CYP27C1: variants seen among roughly 807,000 people sequenced by gnomAD.
CYP27C1 encodes the protein cytochrome P450 family 27 subfamily C member 1, also known as cytochrome P450 27C1.
A neutral mutation model predicts 40.6 loss-of-function variants in CYP27C1; 29 were observed. The observed-to-expected ratio is 0.71, with a 90% CI of 0.53 to 0.97. The LOEUF is 0.97. CYP27C1 is among the 50% of genes least tolerant of loss of function. The pLI is 0.00. For synonymous variants in CYP27C1, 198 were observed against 186.8 expected (o/e 1.06, Z -0.49); for missense variants, 390 against 485.8 (o/e 0.80, Z 1.85).
intron 6 of CYP27C1, among the ~76,000 whole-genome samples, chr2:127,194,713 CT>C (rs1682862966): frequency 6.6e-6 from 1 of 152,154 alleles, no homozygotes; most frequent in Admixed American, 6.5e-5. Context: ...ACAAATCGAT[CT>C]TGTTTCGTGT....
At chr2:127,192,625 G>GC (rs1682806474) in intron 8 of CYP27C1, among the ~76,000 whole-genome samples, 1 of 151,940 alleles carries the variant, frequency 6.6e-6, no homozygotes, top group South Asian at 2.1e-4. Context: ...TTCCCGGGGG[G>GC]GGGGGCTGCT....
chr2:127,199,581 A>G (rs749765295), intron 4 of CYP27C1, 42 bp from the exon 5 acceptor site: 5 of 1,563,396 alleles, frequency 3.2e-6, no homozygotes, highest in Non-Finnish European at 4.4e-6. Flanking sequence ...GTTTGGGTTG[A>G]GAATCATCTT....
intron 6 of CYP27C1, among the ~76,000 whole-genome samples, chr2:127,194,469 G>A (rs953432203): frequency 6.6e-6 from 1 of 152,022 alleles, no homozygotes; most frequent in Non-Finnish European, 1.5e-5. Context: ...AGAGGATGCC[G>A]TGTTTGGGGG....
Position 127,193,776 on chromosome 2 carries a change from G to A in CYP27C1, c.1293+13C>T, listed in dbSNP as rs1464463169. 8.1e-6 allele frequency: 13 copies of A among 1,614,010 alleles called. No homozygotes were observed. The highest frequency in any genetic ancestry group is 1.7e-5 in the Admixed American group (1 of 60,018). On this transcript the variant is annotated intron_variant, in intron 7 of 8. Transcript: ENST00000664447. ...CCCGCAAGGCCTGGCCACCCCCATG[G>A]CCCCAAACTCACGCCTTTCGGAATC...
At position 127,195,891 on chromosome 2, in the gene CYP27C1, A is replaced by G. The variant is rs1374812550; in HGVS notation, c.1048-390T>C. On this transcript the variant is annotated intron_variant, in intron 5 of 8. Coordinates refer to ENST00000664447, the MANE Select transcript of CYP27C1 (RefSeq NM_001367502.1). This position sits in a 1 kb window ranked among gnomAD's most constrained non-coding sequence, Gnocchi z 6.2. ...GCAGGGCTTGCTCGGTGTGTGCCAG[A>G]AAGGGCCTCAGGCTGCCCCCCGGCA... 6.6e-6 allele frequency among the ~76,000 whole-genome samples: 1 copy of G among 152,054 alleles called. No individual in the cohort carries two copies. Among genetic ancestry groups the G allele is most frequent in the African/African-American group, 2.4e-5 (1 of 41,394 alleles).
At position 127,195,679 on chromosome 2, in the gene CYP27C1, C is replaced by CAAATAAAT. The variant is rs534366187; in HGVS notation, c.1048-186_1048-179dup. On this transcript the variant is annotated intron_variant, in intron 5 of 8. Coordinates refer to ENST00000664447, the MANE Select transcript of CYP27C1 (RefSeq NM_001367502.1). This position sits in a 1 kb window ranked among gnomAD's most constrained non-coding sequence, Gnocchi z 6.2. ...GAAAGACTGTTTCCTTAATTCATGG[C>CAAATAAAT]AAATAAATAAATAAATAAATAACTG... Among the ~76,000 whole-genome samples the CAAATAAAT allele has an allele frequency of 1.3e-5, 2 of 152,004 alleles. No individual in the cohort carries two copies. The highest frequency in any genetic ancestry group is 3.9e-4 in the East Asian group (2 of 5,184).
intron 8 of CYP27C1, among the ~76,000 whole-genome samples, chr2:127,188,196 G>T (rs1320061274): frequency 6.6e-6 from 1 of 152,114 alleles, no homozygotes; most frequent in Admixed American, 6.5e-5. Context: ...CCTACTTAGC[G>T]CCCAGGCTGT....
chr2:127,205,134 T>C (rs574602077), intron 2 of CYP27C1, among the ~76,000 whole-genome samples: 21 of 152,350 alleles, frequency 1.4e-4, no homozygotes, highest in African/African-American at 4.6e-4. Flanking sequence ...AGCAGAGAGA[T>C]TCTGCCTCAG....
intron 2 of CYP27C1, among the ~76,000 whole-genome samples, chr2:127,204,624 A>G (rs1041024418): frequency 7.5e-5 from 7 of 92,768 alleles, no homozygotes; most frequent in African/African-American, 3.1e-4. Context: ...AAAGAAAGAA[A>G]GAAGACTGCA....
At chr2:127,213,453 G>T (rs1199386080) in intron 1 of CYP27C1, among the ~76,000 whole-genome samples, 2 of 152,120 alleles carry the variant, frequency 1.3e-5, no homozygotes, top group Non-Finnish European at 2.9e-5. Flanking sequence ...GCATGGTACT[G>T]GTACCAAAAC....
chr2:127,207,882 G>A (rs961264541), intron 1 of CYP27C1, among the ~76,000 whole-genome samples: 4 of 152,262 alleles, frequency 2.6e-5, no homozygotes, highest in Non-Finnish European at 5.9e-5. Flanking sequence ...ACTTAATATT[G>A]TTGAGAAAGA....
At position 127,195,220 on chromosome 2, in the gene CYP27C1, C is replaced by T. The variant is rs982317380; in HGVS notation, c.1214+115G>A. 3 of 1,313,658 alleles carry T rather than the reference C, an allele frequency of 2.3e-6. No homozygotes were observed. Among genetic ancestry groups the T allele is most frequent in the Admixed American group, 2.1e-5 (1 of 47,424 alleles). The allele number at this position is 1,313,658 out of a possible 1,614,324, so 81.4% of individuals were successfully genotyped here. ...AAGAGCAGAGAAAAAATAACAGTCA[C>T]GAACATCCTCATCCTGAACAGGTCA... On this transcript the variant is annotated intron_variant, in intron 6 of 8. Transcript: ENST00000664447. The surrounding 1 kb of genome is among the most constrained non-coding windows in gnomAD (Gnocchi z 6.2).
rs1206660131 is a variant in CYP27C1, at chr2:127,208,423, TC to T, written c.283-2334del. Among the ~76,000 whole-genome samples, 2 of 152,094 alleles carry T rather than the reference TC, an allele frequency of 1.3e-5. No homozygotes were observed. Among genetic ancestry groups the T allele is most frequent in the Non-Finnish European group, 2.9e-5 (2 of 68,020 alleles). Reference sequence around the variant, plus strand: ...GAACCCATGCCACCAGAGCCAAGCATCCCAACCCTGGTATGCACAGATTCCT... The same window carrying T: ...GAACCCATGCCACCAGAGCCAAGCATCCAACCCTGGTATGCACAGATTCCT... On this transcript the variant is annotated intron_variant, in intron 1 of 8. Coordinates refer to ENST00000664447, the MANE Select transcript of CYP27C1 (RefSeq NM_001367502.1). The surrounding 1 kb of genome is among the most constrained non-coding windows in gnomAD (Gnocchi z 5.2).
At chr2:127,207,266 G>A (rs569528343) in intron 1 of CYP27C1, among the ~76,000 whole-genome samples, 2 of 152,256 alleles carry the variant, frequency 1.3e-5, no homozygotes, top group African/African-American at 4.8e-5. Flanking sequence ...AGGCCAAGGC[G>A]AGGGGATCAC....
chr2:127,214,886 T>C (rs1391401654), intron 1 of CYP27C1, among the ~76,000 whole-genome samples: 1 of 147,142 alleles, frequency 6.8e-6, no homozygotes, highest in Admixed American at 6.9e-5. Context: ...CCCAGCACTC[T>C]GGGAGGCCGA....
intron 1 of CYP27C1, among the ~76,000 whole-genome samples, chr2:127,216,813 A>C (rs772431090): frequency 1.3e-5 from 2 of 152,212 alleles, no homozygotes; most frequent in Non-Finnish European, 2.9e-5. Context: ...GGCTGGGGAA[A>C]GTTACTAAGA....
intron 1 of CYP27C1, among the ~76,000 whole-genome samples, chr2:127,216,143 AG>A (rs1203142602): frequency 1.3e-5 from 2 of 152,240 alleles, no homozygotes; most frequent in East Asian, 3.8e-4. Context: ...GTTCTTCAAA[AG>A]GTTAAATATA....
rs1683220095 is a variant in CYP27C1, at chr2:127,206,072, A to G, written c.301T>C (p.Tyr101His). Residue 101 changes from tyrosine (Y) to histidine (H), a missense_variant, in exon 2 of 9, where the codon TAT (tyrosine) becomes CAT (histidine). Tyr to His is a moderately conservative substitution (Grantham distance 83). Coordinates refer to ENST00000664447, the MANE Select transcript of CYP27C1 (RefSeq NM_001367502.1). ...AAGTGAGACTTGAAGATTTTTCCAT[A>G]TTCCCGTGTGTGCTTCTGCTGCAAT... Reference protein sequence around the residue: ...HEIQQKHTREYGKIFKSHFGP... With the variant: ...HEIQQKHTREHGKIFKSHFGP... Among the ~76,000 whole-genome samples, 1 of 152,200 alleles carries G rather than the reference A, an allele frequency of 6.6e-6. No individual in the cohort carries two copies. Among genetic ancestry groups the G allele is most frequent in the South Asian group, 2.1e-4 (1 of 4,828 alleles).
intron 2 of CYP27C1, 121 bp downstream of exon 2, chr2:127,205,779 T>A: frequency 1.0e-6 from 1 of 982,758 alleles, no homozygotes; most frequent in Non-Finnish European, 1.2e-6. Flanking sequence ...TCTGATATCA[T>A]TCCATGGGGG....
Sources: allele counts gnomAD v4.1 joint callset (sites outside exome capture counted in the v4.1 genomes callset), GRCh38; gene constraint gnomAD v4.1.1; non-coding constraint Gnocchi (gnomAD v3.1); transcripts MANE v1.5; gene names NCBI Gene and HGNC (gene_info 2026-07-23, HGNC 2026-07-21).